EP300: variants seen among roughly 807,000 people sequenced by gnomAD.
EP300 encodes the protein EP300 lysine acetyltransferase.
In EP300, 31 loss-of-function variants were observed where a neutral mutation model predicts 264.0. That is an observed-to-expected ratio of 0.12 (90% confidence interval 0.09 to 0.16). The LOEUF (loss-of-function observed/expected upper bound fraction) is 0.16, where lower values mean the gene tolerates loss of function less well. Among genes scored for constraint, EP300 ranks in the 10% least tolerant of loss-of-function variants. The pLI, the probability that EP300 is intolerant of heterozygous loss-of-function variation, is 1.00. For synonymous variants in EP300, 1,340 were observed against 1,045.4 expected (o/e 1.28, Z -5.44); for missense variants, 2,766 against 3,052.9 (o/e 0.91, Z 2.21).
At chr22:41,164,354 A>G (rs932721116) in intron 22 of EP300, among the ~76,000 whole-genome samples, 4 of 152,010 alleles carry the variant, frequency 2.6e-5, no homozygotes, top group Admixed American at 6.5e-5. Context: ...TCTTAGCCAT[A>G]TAAATATATT....
chr22:41,114,955 A>G (rs1396547786), intron 1 of EP300, among the ~76,000 whole-genome samples: 1 of 152,040 alleles, frequency 6.6e-6, no homozygotes, highest in Non-Finnish European at 1.5e-5. Flanking sequence ...TTTTAAGAGG[A>G]TAATAGCTGT....
chr22:41,127,443 C>T, intron 3 of EP300, 44 bp from the exon 4 acceptor site: 2 of 1,609,836 alleles, frequency 1.2e-6, no homozygotes, highest in East Asian at 2.2e-5. Flanking sequence ...TAAGAAATAG[C>T]ACATTATGAC....
At chr22:41,104,043 G>C (rs1266754763) in intron 1 of EP300, among the ~76,000 whole-genome samples, 1 of 152,064 alleles carries the variant, frequency 6.6e-6, no homozygotes, top group Non-Finnish European at 1.5e-5. Context: ...CACTCTCCTT[G>C]TTATTTACAG....
At chr22:41,145,133 A>T (rs1175163148) in intron 10 of EP300, among the ~76,000 whole-genome samples, 1 of 152,226 alleles carries the variant, frequency 6.6e-6, no homozygotes, top group African/African-American at 2.4e-5. Context: ...AAAGTTACTC[A>T]TATCTTAGGT....
chr22:41,149,655 T>C, intron 13 of EP300, 106 bp from the exon 14 acceptor site: 1 of 1,194,290 alleles, frequency 8.4e-7, no homozygotes, highest in Non-Finnish European at 1.2e-6. Flanking sequence ...ACATTGCTAC[T>C]CTTTGTTTAA....
chr22:41,146,992 A>G (rs1320096136), intron 11 of EP300, among the ~76,000 whole-genome samples, 176 bp downstream of exon 11: 1 of 152,140 alleles, frequency 6.6e-6, no homozygotes, highest in Non-Finnish European at 1.5e-5. Context: ...GTGACATTAA[A>G]TGATCAAGTA....
intron 10 of EP300, among the ~76,000 whole-genome samples, chr22:41,144,136 A>T (rs75605702): frequency 4.6e-5 from 7 of 152,196 alleles, no homozygotes; most frequent in African/African-American, 1.7e-4. Flanking sequence ...AGTTTTTTTA[A>T]GTGTGGCATA....
chr22:41,101,916 AGAACTACCT>A (rs1385660263), intron 1 of EP300, among the ~76,000 whole-genome samples: 1 of 152,214 alleles, frequency 6.6e-6, no homozygotes, highest in Non-Finnish European at 1.5e-5. Context: ...CACTTAAGGA[AGAACTACCT>A]TTAACTTGTA....
At chr22:41,150,443 TG>T (rs1428833132) in intron 14 of EP300, among the ~76,000 whole-genome samples, 1 of 152,204 alleles carries the variant, frequency 6.6e-6, no homozygotes, top group African/African-American at 2.4e-5. Context: ...TGTTGTACCC[TG>T]AGGTCTGAAG....
Position 41,129,837 on chromosome 22 carries a change from T to C in EP300, c.1169-53T>C, listed in dbSNP as rs2058906775. 3.6e-6 allele frequency: 5 copies of C among 1,379,272 alleles called. 1 individual carries two copies. The South Asian group carries it at 4.7e-5, about 13-fold the overall frequency. 85.4% of individuals were successfully genotyped at this position (1,379,272 alleles called of 1,614,324 possible). On this transcript the variant is annotated intron_variant, in intron 4 of 30. Transcript: ENST00000263253. ...TAAGTGGTCAACAAGTTAGCTATTA[T>C]TAATGTAAAAACATTAACCTGCTCT...
At chr22:41,147,431 A>G (rs1433449064) in intron 11 of EP300, among the ~76,000 whole-genome samples, 1 of 152,116 alleles carries the variant, frequency 6.6e-6, no homozygotes, top group Non-Finnish European at 1.5e-5. Flanking sequence ...GTTGAAAGCC[A>G]GTTTATTAGT....
chr22:41,114,171 A>ATTT (rs772644088), intron 1 of EP300, among the ~76,000 whole-genome samples: 96 of 150,886 alleles, frequency 6.4e-4, no homozygotes, highest in Admixed American at 1.9e-3. Context: ...ACATTTGGGT[A>ATTT]TTTGTTGTTG....
Position 41,176,411 on chromosome 22 carries a change from G to A in EP300, c.4944G>A (p.Gln1648=). 6.2e-7 allele frequency: 1 copy of A among 1,614,258 alleles called. No homozygotes were observed. The highest frequency in any genetic ancestry group is 8.5e-7 in the Non-Finnish European group (1 of 1,180,052). The part of the protein sequence containing the change: ...HLEFSSLRRA[Q]WSTMCMLVEL... ...AGTTCTCTTCACTCCGAAGAGCCCA[G>A]TGGTCCACCATGTGCATGCTGGTGG... Residue 1648 remains glutamine (Q), a synonymous_variant, in exon 30 of 31, where the codon CAG becomes CAA. Transcript: ENST00000263253.
intron 22 of EP300, among the ~76,000 whole-genome samples, chr22:41,165,417 TA>T (rs1287520162): frequency 6.6e-6 from 1 of 152,174 alleles, no homozygotes; most frequent in African/African-American, 2.4e-5. Flanking sequence ...CATACAATCA[TA>T]CATTTTCTTT....
At chr22:41,172,994 T>C (rs1429210332) in intron 28 of EP300, among the ~76,000 whole-genome samples, 1 of 152,216 alleles carries the variant, frequency 6.6e-6, no homozygotes, top group Non-Finnish European at 1.5e-5. Flanking sequence ...GTCACATATC[T>C]CTGGCATATT....
At chr22:41,153,759 T>C (rs2059060584) in intron 16 of EP300, among the ~76,000 whole-genome samples, 2 of 152,090 alleles carry the variant, frequency 1.3e-5, no homozygotes, top group African/African-American at 2.4e-5. Flanking sequence ...CTCAAACAAA[T>C]AAATAAAATA....
intron 20 of EP300, among the ~76,000 whole-genome samples, chr22:41,161,636 A>G (rs1388544084): frequency 6.6e-6 from 1 of 152,176 alleles, no homozygotes; most frequent in African/African-American, 2.4e-5. Flanking sequence ...AAAAGAAAAA[A>G]AGAAAAAAGT....
At chr22:41,116,290 A>G (rs957317262) in intron 1 of EP300, among the ~76,000 whole-genome samples, 2 of 152,098 alleles carry the variant, frequency 1.3e-5, no homozygotes, top group African/African-American at 4.8e-5. Context: ...ATAGGTATAC[A>G]TGTGCCATGG....
At chr22:41,143,741 A>G (rs945212696) in intron 10 of EP300, among the ~76,000 whole-genome samples, 13 of 152,094 alleles carry the variant, frequency 8.5e-5, no homozygotes, top group African/African-American at 2.9e-4. Flanking sequence ...ACACCTAACT[A>G]ATGTTTTGTA....
Sources: allele counts gnomAD v4.1 joint callset (sites outside exome capture counted in the v4.1 genomes callset), GRCh38; gene constraint gnomAD v4.1.1; transcripts MANE v1.5; gene names NCBI Gene and HGNC (gene_info 2026-07-23, HGNC 2026-07-21).